The following YPEL5 variants were observed in gnomAD, a reference collection of about 807,000 sequenced individuals.
The protein encoded by YPEL5 is protein yippee-like 5.
Under a neutral mutation model 10.5 loss-of-function variants are expected in YPEL5, and 1 was observed. That is an observed-to-expected ratio of 0.10 (90% CI 0.03 to 0.45). The LOEUF (loss-of-function observed/expected upper bound fraction) is 0.45, where lower values mean the gene tolerates loss of function less well. Ranked by LOEUF, YPEL5 falls within the 20% of genes least tolerant of loss-of-function variation. The probability of loss-of-function intolerance (pLI) is 0.97; values close to 1 mark genes in which losing one functional copy is unlikely to be tolerated. For missense variants in YPEL5, 68 were observed against 159.3 expected (o/e 0.43, Z 3.09); for synonymous variants, 61 against 56.6 (o/e 1.08, Z -0.35).
intron 1 of YPEL5, among the ~76,000 whole-genome samples, chr2:30,152,888 T>TC (rs1558356551): frequency 1.6e-4 from 5 of 31,856 alleles, no homozygotes; most frequent in Admixed American, 8.0e-4. Context: ...TGACTGTCCT[T>TC]TGTTTTTTTT....
intron 1 of YPEL5, chr2:30,147,846 G>GCCGCCA (rs1255640110): frequency 4.6e-5 from 7 of 153,136 alleles, no homozygotes; most frequent in South Asian, 1.8e-4. Flanking sequence ...GGGAGGCCCC[G>GCCGCCA]CCGCCACCGC....
At chr2:30,156,332 C>T (rs373333403) in intron 1 of YPEL5, 9 of 252,908 alleles carry the variant, frequency 3.6e-5, no homozygotes, top group African/African-American at 1.8e-4. Context: ...ATTCCACTTT[C>T]CATTTTCTTT....
At chr2:30,149,163 G>T (rs968631045) in intron 1 of YPEL5, among the ~76,000 whole-genome samples, 1 of 152,200 alleles carries the variant, frequency 6.6e-6, no homozygotes, top group Non-Finnish European at 1.5e-5. Context: ...AACACACAAG[G>T]TTTCCTGAGT....
In YPEL5 at chr2:30,158,911, C is replaced by G; in HGVS notation, c.*68C>G. 1 of 1,447,092 alleles carries G rather than the reference C, an allele frequency of 6.9e-7. No homozygotes were observed. Among genetic ancestry groups the G allele is most frequent in the Non-Finnish European group, 9.6e-7 (1 of 1,042,902 alleles). The allele number at this position is 1,447,092 out of a possible 1,614,324, so 89.6% of individuals were successfully genotyped here. A position where few individuals can be genotyped will look rare whatever the true frequency, so the allele number is the denominator to read the frequency against. The stretch of plus-strand genomic sequence containing the variant: ...GAAAACAAAAATCTACTTACATACA[C>G]TGTCACCTTAGCATCAGAGTCGGAT... On this transcript the variant is annotated 3_prime_UTR_variant, in exon 3 of 3. Transcript: ENST00000261353.
In YPEL5 at chr2:30,157,102, G is replaced by A. The variant is rs185033533; in HGVS notation, c.141+310G>A. On this transcript the variant is annotated intron_variant, in intron 2 of 2. Transcript: ENST00000261353. ...GTTCAAGACCAGCCTGGCCAACATG[G>A]TGAAACACCATTTTTACTAAAAATA... Among the ~76,000 whole-genome samples the A allele has an allele frequency of 3.0e-3, 456 of 152,226 alleles. 2 individuals carry two copies. The highest frequency in any genetic ancestry group is 0.01 in the African/African-American group (430 of 41,534).
At chr2:30,156,556 T>C (rs1478176876) in intron 1 of YPEL5, 72 bp from the exon 2 acceptor site, 1 of 1,426,328 alleles carries the variant, frequency 7.0e-7, no homozygotes, top group Non-Finnish European at 9.7e-7. Context: ...AATTGTTCTC[T>C]ATGACACCCC....
intron 1 of YPEL5, among the ~76,000 whole-genome samples, chr2:30,156,118 G>A (rs1483402438): frequency 6.6e-6 from 1 of 152,114 alleles, no homozygotes; most frequent in Non-Finnish European, 1.5e-5. Context: ...AGATGCACCT[G>A]GTGATCACAG....
At chr2:30,157,820 T>C (rs1307746299) in intron 2 of YPEL5, among the ~76,000 whole-genome samples, 1 of 152,240 alleles carries the variant, frequency 6.6e-6, no homozygotes, top group African/African-American at 2.4e-5. Context: ...ACATTTATTT[T>C]GGTACAGAGG....
chr2:30,151,210 T>A (rs1675774286), intron 1 of YPEL5, among the ~76,000 whole-genome samples: 1 of 152,164 alleles, frequency 6.6e-6, no homozygotes, highest in Non-Finnish European at 1.5e-5. Flanking sequence ...ACTAGGAAAT[T>A]ATGTAGTCCA....
chr2:30,158,169 T>C (rs1676123982), intron 2 of YPEL5, among the ~76,000 whole-genome samples: 1 of 152,258 alleles, frequency 6.6e-6, no homozygotes, highest in Non-Finnish European at 1.5e-5. Context: ...CCAGTCTATA[T>C]ATACAGTATA....
chr2:30,150,055 A>G (rs1226413927), intron 1 of YPEL5, among the ~76,000 whole-genome samples: 1 of 152,238 alleles, frequency 6.6e-6, no homozygotes, highest in Non-Finnish European at 1.5e-5. Context: ...TATTAATTAT[A>G]GGGACAACAA....
chr2:30,150,046 A>G (rs1215974735), intron 1 of YPEL5, among the ~76,000 whole-genome samples: 1 of 150,976 alleles, frequency 6.6e-6, no homozygotes. Flanking sequence ...AAACTGGATT[A>G]TTAATTATAG....
chr2:30,156,549 TG>T, intron 1 of YPEL5, 78 bp from the exon 2 acceptor site: 1 of 1,311,850 alleles, frequency 7.6e-7, no homozygotes, highest in Non-Finnish European at 1.1e-6. Flanking sequence ...GTATACAAAT[TG>T]TTCTCTATGA....
In YPEL5 at chr2:30,158,684, A is replaced by T. The variant is rs1239595552; in HGVS notation, c.207A>T (p.Arg69=). ...RVMLTGRHMV[R]DVSCKNCNSK... ...TGCTCACTGGCCGCCACATGGTTCG[A>T]GATGTGAGCTGCAAAAACTGCAATA... Residue 69 remains arginine, a synonymous_variant, in exon 3 of 3, where the codon CGA becomes CGT. Transcript: ENST00000261353. 3 of 1,614,172 alleles carry T rather than the reference A, an allele frequency of 1.9e-6. No homozygotes were observed. The highest frequency in any genetic ancestry group is 2.5e-6 in the Non-Finnish European group (3 of 1,180,032).
chr2:30,158,509 A>G, intron 2 of YPEL5, 110 bp from the exon 3 acceptor site: 1 of 1,028,480 alleles, frequency 9.7e-7, no homozygotes, highest in Non-Finnish European at 1.5e-6. Context: ...TAAACTAACA[A>G]GTTCTTTCTC....
At chr2:30,153,283 A>C (rs1288401014) in intron 1 of YPEL5, among the ~76,000 whole-genome samples, 1 of 152,128 alleles carries the variant, frequency 6.6e-6, no homozygotes, top group Non-Finnish European at 1.5e-5. Flanking sequence ...GCTTATAAAC[A>C]ACAAATTTAT....
rs780309618 is a variant in YPEL5 at position 30,158,630 on chromosome 2, G to T, written c.153G>T (p.Leu51=). The change falls in exon 3 of 3, where the codon CTG becomes CTT. Residue 51 remains leucine (L), a synonymous_variant. Coordinates refer to ENST00000261353, the MANE Select transcript of YPEL5 (RefSeq NM_016061.3). ...RAFLFNKVVN[L]QYSEVQDRVM... ...TTGTCCCTTGTTAGGTAGTTAACCT[G>T]CAGTACAGTGAAGTTCAAGATCGGG... 6.2e-7 allele frequency: 1 copy of T among 1,613,494 alleles called. No homozygotes were observed. The highest frequency in any genetic ancestry group is 8.5e-7 in the Non-Finnish European group (1 of 1,180,028).
chr2:30,147,347 C>CGGTGCGACAACA (rs1675468423), intron 1 of YPEL5, among the ~76,000 whole-genome samples: 1 of 149,314 alleles, frequency 6.7e-6, no homozygotes, highest in Non-Finnish European at 1.5e-5. Context: ...GCCGGGCGAC[C>CGGTGCGACAACA]GGTGCGACAA....
chr2:30,156,881 C>G, intron 2 of YPEL5, 89 bp downstream of exon 2: 1 of 1,447,678 alleles, frequency 6.9e-7, no homozygotes, highest in South Asian at 1.2e-5. Context: ...TTAGAGATAC[C>G]AGGAAGAGTC....
Sources: gnomAD v4.1 joint callset for allele counts (sites outside exome capture counted in the v4.1 genomes callset) on GRCh38, gnomAD v4.1.1 for gene constraint, MANE v1.5 for transcripts, NCBI Gene and HGNC (gene_info 2026-07-23, HGNC 2026-07-21) for gene names.